The following WDR49 variants were observed in gnomAD, a reference collection of about 807,000 sequenced individuals.
WDR49 encodes WD repeat domain 49.
In WDR49, 107 loss-of-function variants were observed where a neutral mutation model predicts 119.5. The observed-to-expected ratio is 0.90, with a 90% confidence interval of 0.77 to 1.05. WDR49 has a LOEUF of 1.05. Ranked by LOEUF, WDR49 falls within the 50% of genes least tolerant of loss-of-function variation. The probability of loss-of-function intolerance (pLI) is 0.00; values close to 1 mark genes in which losing one functional copy is unlikely to be tolerated. For synonymous variants in WDR49, 425 were observed against 418.8 expected, an observed-to-expected ratio of 1.01 and a Z score of -0.18; for missense variants, 1,240 against 1,220.5, an observed-to-expected ratio of 1.02 and a Z score of -0.24.
chr3:167,631,927 G>A (rs893945691), intron 2 of WDR49, among the ~76,000 whole-genome samples: 1 of 151,960 alleles, frequency 6.6e-6, no homozygotes. Context: ...AATTGATATC[G>A]AGCCCTTTGA....
rs1023429739 is a variant in WDR49 at position 167,504,779 on chromosome 3, G to T, written c.2884+528C>A. Among the ~76,000 whole-genome samples the T allele has an allele frequency of 3.9e-5, 6 of 152,150 alleles. 1 individual carries two copies. The highest frequency in any genetic ancestry group is 2.0e-4 in the Admixed American group (3 of 15,280). On this transcript the variant is annotated intron_variant, in intron 17 of 18. Transcript: ENST00000682715. ...AAATGTAATCCCCAGTGTTGGAGACGGGGCCTGGTGAGAGGTGTTCAGGTC... is the reference window on the plus strand; with the variant it reads ...AAATGTAATCCCCAGTGTTGGAGACTGGGCCTGGTGAGAGGTGTTCAGGTC...
At chr3:167,513,882 A>G (rs1006683309) in intron 16 of WDR49, among the ~76,000 whole-genome samples, 11 of 152,326 alleles carry the variant, frequency 7.2e-5, no homozygotes, top group African/African-American at 2.6e-4. Flanking sequence ...ACATAATGGT[A>G]AAGTGTTCAA....
At chr3:167,606,182 G>A (rs1247388317) in intron 5 of WDR49, among the ~76,000 whole-genome samples, 1 of 152,164 alleles carries the variant, frequency 6.6e-6, no homozygotes, top group East Asian at 1.9e-4. Flanking sequence ...ACTCTAGAGA[G>A]TATGTTAATC....
Position 167,531,154 on chromosome 3 carries a change from G to C in WDR49, c.2179C>G (p.Leu727Val). ...TTTTTTCTTGCTTTAAGAAAGCAAAGTCTCATAACAGCATTTTTGCCCTCA... is the reference window on the plus strand; with the variant it reads ...TTTTTTCTTGCTTTAAGAAAGCAAACTCTCATAACAGCATTTTTGCCCTCA... ...DTEGKNAVMR[L>V]CFLKARKNTA... The change falls in exon 13 of 19, where the codon CTT becomes GTT. Residue 727 changes from leucine (L) to valine (V), a missense_variant. By Grantham distance (32) the Leu-to-Val change is conservative. Transcript: ENST00000682715. 6.2e-7 allele frequency: 1 copy of C among 1,612,318 alleles called. No homozygotes were observed. The highest frequency in any genetic ancestry group is 8.5e-7 in the Non-Finnish European group (1 of 1,179,422).
chr3:167,559,618 T>C (rs1470454160), intron 9 of WDR49, among the ~76,000 whole-genome samples: 2 of 152,216 alleles, frequency 1.3e-5, no homozygotes, highest in Admixed American at 6.5e-5. Context: ...ACAAAATAGG[T>C]TTACTTTTAA....
chr3:167,498,777 G>A (rs1308876174), intron 18 of WDR49, among the ~76,000 whole-genome samples: 1 of 152,154 alleles, frequency 6.6e-6, no homozygotes, highest in Non-Finnish European at 1.5e-5. Context: ...TTCCTAGAGA[G>A]GGGGTTCAAT....
intron 6 of WDR49, among the ~76,000 whole-genome samples, chr3:167,602,745 T>C (rs1180847626): frequency 6.6e-6 from 1 of 152,162 alleles, no homozygotes; most frequent in Non-Finnish European, 1.5e-5. Context: ...AGTAATCAAG[T>C]ACAGTCATGC....
Position 167,593,849 on chromosome 3 carries a change from C to T in WDR49, c.1275+8278G>A, listed in dbSNP as rs190963712. Among the ~76,000 whole-genome samples, 427 of 152,142 alleles carry T rather than the reference C, an allele frequency of 2.8e-3. 2 individuals are homozygous for T. Among genetic ancestry groups the T allele is most frequent in the Non-Finnish European group, 4.9e-3 (333 of 67,986 alleles). On this transcript the variant is annotated intron_variant, in intron 7 of 18. Coordinates refer to ENST00000682715, the MANE Select transcript of WDR49 (RefSeq NM_001366157.1). ...AGGTGACTGGATCATGGGGGAGGTT[C>T]CCCCATGCTGTTCTCATGATAGTGA...
chr3:167,563,513 A>C (rs888571278), intron 8 of WDR49, among the ~76,000 whole-genome samples: 7 of 152,156 alleles, frequency 4.6e-5, no homozygotes, highest in Admixed American at 2.0e-4. Flanking sequence ...CTTGTGTGAA[A>C]ATTTTGATAG....
chr3:167,523,587 C>A (rs150901243), intron 15 of WDR49, among the ~76,000 whole-genome samples: 1 of 152,086 alleles, frequency 6.6e-6, no homozygotes, highest in Non-Finnish European at 1.5e-5. Context: ...TGATGTTCCT[C>A]TCCCTGTGTC....
At chr3:167,482,082 T>G (rs1027655287) in intron 18 of WDR49, among the ~76,000 whole-genome samples, 1 of 152,150 alleles carries the variant, frequency 6.6e-6, no homozygotes, top group Non-Finnish European at 1.5e-5. Context: ...CCAAGTGATA[T>G]CCCAGTAATG....
chr3:167,537,104 A>G, intron 10 of WDR49, 104 bp from the exon 11 acceptor site: 1 of 1,181,830 alleles, frequency 8.5e-7, no homozygotes, highest in Non-Finnish European at 1.1e-6. Context: ...TTAAAAGACT[A>G]TGCTGCCCAA....
intron 17 of WDR49, among the ~76,000 whole-genome samples, chr3:167,500,809 G>T (rs1751533305): frequency 6.6e-6 from 1 of 152,162 alleles, no homozygotes; most frequent in Non-Finnish European, 1.5e-5. Context: ...TAAAGGCAAA[G>T]TCTTGAACAA....
At chr3:167,657,878 T>G (rs889000590), upstream of WDR49, among the ~76,000 whole-genome samples, 1 of 152,218 alleles carries the variant, frequency 6.6e-6, no homozygotes, top group Admixed American at 6.5e-5. Context: ...AGACACCCGC[T>G]GGCTCTGTGT....
chr3:167,577,991 T>G (rs1714334690), intron 7 of WDR49, among the ~76,000 whole-genome samples: 1 of 152,152 alleles, frequency 6.6e-6, no homozygotes, highest in South Asian at 2.1e-4. Context: ...GTCCTAGGAA[T>G]CTACAAGATA....
At chr3:167,499,246 G>C (rs866222757) in intron 18 of WDR49, among the ~76,000 whole-genome samples, 1 of 152,064 alleles carries the variant, frequency 6.6e-6, no homozygotes, top group Non-Finnish European at 1.5e-5. Context: ...AAGCAAAGAG[G>C]AGACTCTTAA....
At chr3:167,570,078 G>T (rs1466202953) in intron 8 of WDR49, among the ~76,000 whole-genome samples, 1 of 149,876 alleles carries the variant, frequency 6.7e-6, no homozygotes, top group Non-Finnish European at 1.5e-5. Context: ...CCTCAGAACT[G>T]ACATATAACC....
chr3:167,620,508 C>G lies in WDR49; in HGVS notation c.879G>C (p.Trp293Cys). The G allele has an allele frequency of 2.0e-6, 3 of 1,536,054 alleles. No individual in the cohort carries two copies. Among genetic ancestry groups the G allele is most frequent in the Non-Finnish European group, 2.6e-6 (3 of 1,146,752 alleles). ...EDGEATMTIN[W>C]AELLSGCHKC... ...TGTGACATCCAGAGAGCAGCTCTGC[C>G]CAGTTAATGGTCATAGTGGCTTCTC... is the stretch of plus-strand genomic sequence containing the variant. Residue 293 changes from tryptophan (W) to cysteine (C), a missense_variant, in exon 5 of 19, where the codon TGG becomes TGC. Physicochemically the swap from Trp to Cys is radical, Grantham distance 215. Coordinates refer to ENST00000682715, the MANE Select transcript of WDR49 (RefSeq NM_001366157.1).
Position 167,576,082 on chromosome 3 carries a change from G to T in WDR49, c.1345C>A (p.Gln449Lys). The change falls in exon 8 of 19, where the codon CAG (glutamine) becomes AAG (lysine). Residue 449 changes from glutamine (Q) to lysine (K), a missense_variant. Coordinates refer to ENST00000682715, the MANE Select transcript of WDR49 (RefSeq NM_001366157.1). ...QRIACSFPKS[Q>K]DFRCLFHFDE... ...AAGTGGAAGAGACATCTGAAGTCCT[G>T]ACTTTTGGGGAAAGAACAAGCTATC... The T allele has an allele frequency of 6.2e-7, 1 of 1,614,124 alleles. No individual in the cohort carries two copies. The highest frequency in any genetic ancestry group is 8.5e-7 in the Non-Finnish European group (1 of 1,180,026).
Sources: gnomAD v4.1 joint callset for allele counts (sites outside exome capture counted in the v4.1 genomes callset) on GRCh38, gnomAD v4.1.1 for gene constraint, MANE v1.5 for transcripts, NCBI Gene and HGNC (gene_info 2026-07-23, HGNC 2026-07-21) for gene names.